The following ERGIC1 variants were observed in gnomAD, a reference collection of about 807,000 sequenced individuals.
ERGIC1 encodes endoplasmic reticulum-golgi intermediate compartment 1, also known as endoplasmic reticulum-Golgi intermediate compartment protein 1.
Under a neutral mutation model 38.3 loss-of-function variants are expected in ERGIC1, and 19 were observed. The ratio of observed to expected loss-of-function variants is 0.50; its 90% CI spans 0.35 to 0.73. ERGIC1 has a LOEUF of 0.73. Among genes scored for constraint, ERGIC1 ranks in the 30% least tolerant of loss-of-function variants. The probability of loss-of-function intolerance (pLI) is 0.01; values close to 1 mark genes in which losing one functional copy is unlikely to be tolerated. For synonymous variants in ERGIC1, 124 were observed against 157.6 expected, an observed-to-expected ratio of 0.79 and a Z score of 1.60; for missense variants, 294 against 389.2, an observed-to-expected ratio of 0.76 and a Z score of 2.06.
intron 1 of ERGIC1, among the ~76,000 whole-genome samples, chr5:172,881,277 C>G (rs1054004162): frequency 2.6e-5 from 4 of 152,086 alleles, no homozygotes; most frequent in Non-Finnish European, 4.4e-5. Flanking sequence ...GTGAAACTGT[C>G]TAAGTATCCA....
chr5:172,947,330 C>T (rs1177149267), intron 9 of ERGIC1, among the ~76,000 whole-genome samples: 2 of 152,174 alleles, frequency 1.3e-5, no homozygotes, highest in African/African-American at 2.4e-5. Flanking sequence ...ACTACAGCCA[C>T]CACACCTGTC....
At chr5:172,949,135 A>T (rs933944563) in intron 9 of ERGIC1, among the ~76,000 whole-genome samples, 2 of 152,232 alleles carry the variant, frequency 1.3e-5, no homozygotes, top group Admixed American at 6.5e-5. Context: ...AGTCATCAGA[A>T]GGCAATTTGT....
intron 3 of ERGIC1, among the ~76,000 whole-genome samples, chr5:172,901,627 A>G (rs1353270580): frequency 6.6e-6 from 1 of 152,196 alleles, no homozygotes; most frequent in East Asian, 1.9e-4. Flanking sequence ...TTTTTGAAAC[A>G]GGGCCTCATT....
chr5:172,914,254 A>AAAAAAT (rs796565475), intron 4 of ERGIC1, among the ~76,000 whole-genome samples: 2,321 of 131,160 alleles, frequency 0.018, 80 homozygotes, highest in African/African-American at 0.032. Flanking sequence ...AAAAAAAAAA[A>AAAAAAT]AAATACAAAG....
intron 3 of ERGIC1, chr5:172,898,173 C>T (rs944762973): frequency 2.8e-5 from 9 of 315,978 alleles, no homozygotes; most frequent in African/African-American, 1.9e-4. Context: ...AATGGGATTT[C>T]TTGGTTTCCT....
At chr5:172,914,582 A>G (rs748588394) in intron 4 of ERGIC1, 132 bp from the exon 5 acceptor site, 5 of 1,454,358 alleles carry the variant, frequency 3.4e-6, no homozygotes, top group Non-Finnish European at 4.8e-6. Context: ...ACCCCAGACC[A>G]TGAGCTCCTG....
At chr5:172,899,587 G>A (rs1162787366) in intron 3 of ERGIC1, among the ~76,000 whole-genome samples, 1 of 152,110 alleles carries the variant, frequency 6.6e-6, no homozygotes, top group Non-Finnish European at 1.5e-5. Context: ...ATCCCAGGCT[G>A]GGATTACAGG....
chr5:172,902,646 G>A (rs1270651054), intron 3 of ERGIC1, among the ~76,000 whole-genome samples: 1 of 152,130 alleles, frequency 6.6e-6, no homozygotes, highest in Non-Finnish European at 1.5e-5. Context: ...GTCGAGGGAT[G>A]TATTTTAGAC....
At position 172,834,588 on chromosome 5, in the gene ERGIC1, C is replaced by G. The variant is rs1022822624; in HGVS notation, c.20+155C>G. On this transcript the variant is annotated intron_variant, in intron 1 of 9. Coordinates refer to ENST00000393784, the MANE Select transcript of ERGIC1 (RefSeq NM_001031711.3). The surrounding 1 kb of genome is among the most constrained non-coding windows in gnomAD (Gnocchi z 4.1). ...CTAGGGACCCCAGGCGAGCCCCCCC[C>G]CTGCCGCACACGAAGCCAGCCAGAG... Among the ~76,000 whole-genome samples, 61 of 134,460 alleles carry G rather than the reference C, an allele frequency of 4.5e-4. No individual in the cohort carries two copies. The highest frequency in any genetic ancestry group is 1.2e-3 in the East Asian group (5 of 4,112). The allele number at this position is 134,460 out of a possible 152,430, so 88.2% of individuals were successfully genotyped here. A position where few individuals can be genotyped will look rare whatever the true frequency, so the allele number is the denominator to read the frequency against.
intron 2 of ERGIC1, among the ~76,000 whole-genome samples, chr5:172,893,260 G>A (rs58880441): frequency 6.6e-6 from 1 of 152,048 alleles, no homozygotes; most frequent in Non-Finnish European, 1.5e-5. Context: ...TGGTTCTCCT[G>A]TCTCAGCCTC....
chr5:172,890,132 C>T (rs933481933), intron 2 of ERGIC1, among the ~76,000 whole-genome samples: 7 of 152,180 alleles, frequency 4.6e-5, no homozygotes, highest in African/African-American at 1.4e-4. Context: ...TGATAAGCCA[C>T]GTGCATATCG....
Position 172,846,138 on chromosome 5 carries a change from G to A in ERGIC1, c.20+11705G>A, listed in dbSNP as rs1006570188. ...ATGGCATCCATTTGACCTCTCTGGC[G>A]ATGTCGGCCTTCAGTACCTGGTTAA... On this transcript the variant is annotated intron_variant, in intron 1 of 9. Transcript: ENST00000393784. The surrounding 1 kb of genome is among the most constrained non-coding windows in gnomAD (Gnocchi z 4.0). Among the ~76,000 whole-genome samples the A allele has an allele frequency of 6.6e-6, 1 of 152,148 alleles. No homozygotes were observed. Among genetic ancestry groups the A allele is most frequent in the Non-Finnish European group, 1.5e-5 (1 of 68,024 alleles).
chr5:172,944,858 C>A (rs1001061342), intron 9 of ERGIC1, among the ~76,000 whole-genome samples: 6 of 152,202 alleles, frequency 3.9e-5, no homozygotes, highest in African/African-American at 1.4e-4. Flanking sequence ...CATCCAGGGT[C>A]TCCCCCTCCA....
chr5:172,836,802 A>G (rs962732342), intron 1 of ERGIC1, among the ~76,000 whole-genome samples: 62 of 152,346 alleles, frequency 4.1e-4, no homozygotes, highest in African/African-American at 1.4e-3. Context: ...CGCAAGGAGC[A>G]TCTACCACTG....
intron 1 of ERGIC1, among the ~76,000 whole-genome samples, chr5:172,873,160 A>G (rs1195901017): frequency 6.6e-6 from 1 of 152,214 alleles, no homozygotes; most frequent in Non-Finnish European, 1.5e-5. Flanking sequence ...AACCCCGCTC[A>G]TGCTCTGCCC....
chr5:172,901,177 C>T (rs1383227481), intron 3 of ERGIC1, among the ~76,000 whole-genome samples: 2 of 152,232 alleles, frequency 1.3e-5, no homozygotes, highest in African/African-American at 4.8e-5. Flanking sequence ...GTTGGATCAA[C>T]ATGGCTCCAG....
chr5:172,905,603 T>C (rs533782525), intron 3 of ERGIC1: 1 of 366,474 alleles, frequency 2.7e-6, no homozygotes, highest in East Asian at 7.5e-5. Context: ...CAGCCTCTAG[T>C]CCGATCAGGA....
intron 3 of ERGIC1, among the ~76,000 whole-genome samples, chr5:172,908,318 G>GGA (rs1561729632): frequency 0.018 from 130 of 7,302 alleles, 11 homozygotes; most frequent in Middle Eastern, 0.083. Context: ...GGGGGGGGGG[G>GGA]AGAGAGGGGA....
chr5:172,897,991 C>A, intron 3 of ERGIC1: 1 of 411,812 alleles, frequency 2.4e-6, no homozygotes. Flanking sequence ...GCAGTCACGA[C>A]CTCATCGGAC....
Sources: gnomAD v4.1 joint callset for allele counts (sites outside exome capture counted in the v4.1 genomes callset) on GRCh38, gnomAD v4.1.1 for gene constraint, Gnocchi (gnomAD v3.1) non-coding constraint, MANE v1.5 for transcripts, NCBI Gene and HGNC (gene_info 2026-07-23, HGNC 2026-07-21) for gene names.